The following ZC3H14 variants were observed in gnomAD, a reference collection of about 807,000 sequenced individuals.
The protein encoded by ZC3H14 is zinc finger CCCH domain-containing protein 14.
In ZC3H14, 31 loss-of-function variants were observed where a neutral mutation model predicts 92.4. The ratio of observed to expected loss-of-function variants is 0.34; its 90% CI spans 0.25 to 0.45. The LOEUF is 0.45. ZC3H14 is among the 20% of genes least tolerant of loss of function. The pLI is 1.00. For missense variants in ZC3H14, 781 were observed against 897.3 expected (o/e 0.87, Z 1.66); for synonymous variants, 321 against 300.9 (o/e 1.07, Z -0.69).
rs377299958 is a variant in ZC3H14 at position 88,609,248 on chromosome 14, C to CT, written c.1869-10dup. 7.3e-5 allele frequency: 117 copies of CT among 1,604,576 alleles called. No individual in the cohort carries two copies. Among genetic ancestry groups the CT allele is most frequent in the Middle Eastern group, 1.7e-4 (1 of 6,006 alleles). On this transcript the variant is annotated intron_variant, in intron 13 of 16. Coordinates refer to ENST00000251038, the MANE Select transcript of ZC3H14 (RefSeq NM_024824.5). Reference sequence around the variant, plus strand: ...TTGAGAAGATTGAATATGAAATATGCTTTTTTTTTGTTTTGTAGAGCCTTC... The same window carrying CT: ...TTGAGAAGATTGAATATGAAATATGCTTTTTTTTTTGTTTTGTAGAGCCTTC...
chr14:88,603,992 G>A (rs1020065537), intron 12 of ZC3H14, among the ~76,000 whole-genome samples: 1 of 152,156 alleles, frequency 6.6e-6, no homozygotes, highest in Non-Finnish European at 1.5e-5. Context: ...GATTAGTGGA[G>A]GGAGTTGAAA....
At chr14:88,575,443 A>C (rs763613673) in intron 7 of ZC3H14, among the ~76,000 whole-genome samples, 5 of 152,082 alleles carry the variant, frequency 3.3e-5, no homozygotes, top group Non-Finnish European at 7.4e-5. Context: ...GCCTGTACCT[A>C]GCACTTTGGG....
At chr14:88,566,726 C>T (rs556928081) in intron 2 of ZC3H14, among the ~76,000 whole-genome samples, 2 of 152,186 alleles carry the variant, frequency 1.3e-5, no homozygotes, top group Admixed American at 6.5e-5. Context: ...TCGAGACCAG[C>T]CTAGTCAACA....
chr14:88,569,000 G>A (rs1714926171), intron 3 of ZC3H14, among the ~76,000 whole-genome samples: 1 of 151,914 alleles, frequency 6.6e-6, no homozygotes, highest in Non-Finnish European at 1.5e-5. Flanking sequence ...TCCCATTGCA[G>A]TCCCCTCCTT....
chr14:88,564,501 C>T (rs1325145812), intron 2 of ZC3H14, among the ~76,000 whole-genome samples: 3 of 152,304 alleles, frequency 2.0e-5, no homozygotes, highest in South Asian at 4.1e-4. Context: ...ATAGCTACCA[C>T]TAATGACAGT....
At chr14:88,580,681 CT>C (rs1276527660) in intron 9 of ZC3H14, among the ~76,000 whole-genome samples, 2 of 152,108 alleles carry the variant, frequency 1.3e-5, no homozygotes, top group African/African-American at 2.4e-5. Flanking sequence ...TTCAAGAAAA[CT>C]TTCATGAAGT....
In ZC3H14 at chr14:88,574,835, C is replaced by T; in HGVS notation, c.1004C>T (p.Pro335Leu). 1 of 1,614,200 alleles carries T rather than the reference C, an allele frequency of 6.2e-7. No individual in the cohort carries two copies. Among genetic ancestry groups the T allele is most frequent in the Non-Finnish European group, 8.5e-7 (1 of 1,180,026 alleles). Residue 335 changes from proline (P) to leucine (L), a missense_variant, in exon 7 of 17, where the codon CCT becomes CTT. Transcript: ENST00000251038. ...TGSISSSVSV[P>L]AKPERRPSLP... ...AGCATCTCCAGCAGTGTGTCTGTGC[C>T]TGCAAAGCCTGAAAGGAGGTACCTT...
chr14:88,583,181 G>C (rs2082117653), intron 9 of ZC3H14, among the ~76,000 whole-genome samples: 1 of 148,476 alleles, frequency 6.7e-6, no homozygotes, highest in Non-Finnish European at 1.5e-5. Context: ...ACCTAGGCTA[G>C]AGTACAGTGG....
chr14:88,618,154 T>C lies in ZC3H14; in HGVS notation c.*6403T>C, dbSNP rs2088057888. On this transcript the variant is annotated 3_prime_UTR_variant, in exon 17 of 17. Transcript: ENST00000251038. Reference sequence around the variant, plus strand: ...TTACTATTCCTTATTGGAATGGCTCTAACAGTTCAGAAATAGGATTTTCTA... The same window carrying C: ...TTACTATTCCTTATTGGAATGGCTCCAACAGTTCAGAAATAGGATTTTCTA... 7.7e-7 allele frequency: 1 copy of C among 1,290,618 alleles called. No individual in the cohort carries two copies. Among genetic ancestry groups the C allele is most frequent in the Non-Finnish European group, 1.1e-6 (1 of 903,100 alleles). 79.9% of individuals were successfully genotyped at this position (1,290,618 alleles called of 1,614,324 possible).
At position 88,618,390 on chromosome 14, in the gene ZC3H14, G is replaced by A. The variant is rs2088123892; in HGVS notation, c.*6639G>A. ...CATTAGGTGAGAGACAAAATCCACA[G>A]GGGGTTTACAGAATACTAGCATATT... On this transcript the variant is annotated 3_prime_UTR_variant, in exon 17 of 17. Coordinates refer to ENST00000251038, the MANE Select transcript of ZC3H14 (RefSeq NM_024824.5). 4.8e-6 allele frequency: 7 copies of A among 1,460,062 alleles called. No homozygotes were observed. Among genetic ancestry groups the A allele is most frequent in the Admixed American group, 3.5e-5 (2 of 57,934 alleles). The allele number at this position is 1,460,062 out of a possible 1,614,324, so 90.4% of individuals were successfully genotyped here.
chr14:88,583,838 T>G (rs977556143), intron 9 of ZC3H14, among the ~76,000 whole-genome samples: 4 of 152,246 alleles, frequency 2.6e-5, no homozygotes, highest in Admixed American at 6.5e-5. Flanking sequence ...ACTGTTAACA[T>G]TATTCAAATC....
chr14:88,623,061 G>A lies in ZC3H14; in HGVS notation c.*11310G>A, dbSNP rs1412553424. ...GATGTAGTCTCGCTCTGTCTCCCAG[G>A]CTTGAGTGCAGTGGCATGATCTAGG... On this transcript the variant is annotated 3_prime_UTR_variant, in exon 17 of 17. Coordinates refer to ENST00000251038, the MANE Select transcript of ZC3H14 (RefSeq NM_024824.5). The A allele has an allele frequency of 6.4e-6, 1 of 156,990 alleles. No individual in the cohort carries two copies. Among genetic ancestry groups the A allele is most frequent in the African/African-American group, 2.5e-5 (1 of 40,582 alleles). 9.7% of individuals were successfully genotyped at this position (156,990 alleles called of 1,614,324 possible).
At chr14:88,578,788 T>TG (rs1158189921) in intron 9 of ZC3H14, among the ~76,000 whole-genome samples, 59 of 147,170 alleles carry the variant, frequency 4.0e-4, no homozygotes, top group African/African-American at 1.5e-3. Flanking sequence ...CAGGTTTTTT[T>TG]TTTTTTTTTT....
At position 88,615,905 on chromosome 14, in the gene ZC3H14, C is replaced by A. The variant is rs151320955; in HGVS notation, c.*4154C>A. The A allele has an allele frequency of 5.8e-4, 908 of 1,570,214 alleles. 11 individuals carry two copies. In the East Asian group the frequency reaches 0.019, roughly 33 times the overall value. ...GGAGTTAATTATGTTTTTAGATTTT[C>A]ATAACAGTTTAATATTTTTCAGTTG... is the stretch of plus-strand genomic sequence containing the variant. On this transcript the variant is annotated 3_prime_UTR_variant, in exon 17 of 17. Transcript: ENST00000251038.
rs2089666935 is a variant in ZC3H14 at position 88,624,797 on chromosome 14, AC to A, written c.*13048del. 2.7e-6 allele frequency: 2 copies of A among 740,142 alleles called. No individual in the cohort carries two copies. Among genetic ancestry groups the A allele is most frequent in the Non-Finnish European group, 4.2e-6 (2 of 474,016 alleles). The allele number at this position is 740,142 out of a possible 1,614,324, so 45.8% of individuals were successfully genotyped here. On this transcript the variant is annotated 3_prime_UTR_variant, in exon 17 of 17. Transcript: ENST00000251038. ...TGAAAAAAATTGGAAGTGAATTAAG[AC>A]CAGAAATGAGAATCAAATAGAAGGC...
chr14:88,608,747 TCCTTACAAG>T (rs1459133075), intron 13 of ZC3H14: 1 of 161,444 alleles, frequency 6.2e-6, no homozygotes, highest in African/African-American at 2.4e-5. Flanking sequence ...GTTAAATTTT[TCCTTACAAG>T]CTGGCTGGCT....
intron 9 of ZC3H14, among the ~76,000 whole-genome samples, chr14:88,582,633 T>A (rs575761661): frequency 6.6e-6 from 1 of 152,292 alleles, no homozygotes; most frequent in African/African-American, 2.4e-5. Context: ...TGGATGGTAG[T>A]CAGAAGGGTG....
At position 88,617,205 on chromosome 14, in the gene ZC3H14, T is replaced by C. The variant is rs1595179238; in HGVS notation, c.*5454T>C. On this transcript the variant is annotated 3_prime_UTR_variant, in exon 17 of 17. Coordinates refer to ENST00000251038, the MANE Select transcript of ZC3H14 (RefSeq NM_024824.5). ...TCTTGTTACCCAGGCTGGAGTGCAA[T>C]GGCATGATCTCGGCTCACCGCAACC... is the stretch of plus-strand genomic sequence containing the variant. 2 of 176,012 alleles carry C rather than the reference T, an allele frequency of 1.1e-5. No individual in the cohort carries two copies. The highest frequency in any genetic ancestry group is 1.5e-4 in the East Asian group (1 of 6,750). The allele number at this position is 176,012 out of a possible 1,614,324, so 10.9% of individuals were successfully genotyped here. A position where few individuals can be genotyped will look rare whatever the true frequency, so the allele number is the denominator to read the frequency against.
At position 88,621,638 on chromosome 14, in the gene ZC3H14, T is replaced by C. The variant is rs1030063719; in HGVS notation, c.*9887T>C. The C allele has an allele frequency of 4.7e-5, 15 of 319,106 alleles. No individual in the cohort carries two copies. Among genetic ancestry groups the C allele is most frequent in the Admixed American group, 1.3e-4 (3 of 23,798 alleles). 19.8% of individuals were successfully genotyped at this position (319,106 alleles called of 1,614,324 possible). On this transcript the variant is annotated 3_prime_UTR_variant, in exon 17 of 17. Coordinates refer to ENST00000251038, the MANE Select transcript of ZC3H14 (RefSeq NM_024824.5). ...TGCAGTGGGATATAGGAAAAAATAA[T>C]AGAATTTATTTTTTAGTTAAAAAGT...
Sources: allele counts gnomAD v4.1 joint callset (sites outside exome capture counted in the v4.1 genomes callset), GRCh38; gene constraint gnomAD v4.1.1; transcripts MANE v1.5; gene names NCBI Gene and HGNC (gene_info 2026-07-23, HGNC 2026-07-21).